Variants in PLPPR1 observed in about 807,000 individuals in gnomAD.
PLPPR1 encodes phospholipid phosphatase related 1.
PLPPR1 carries 10 observed loss-of-function variants against 33.1 expected under a neutral mutation model. The ratio of observed to expected loss-of-function variants is 0.30; its 90% CI spans 0.19 to 0.51. PLPPR1 has a LOEUF of 0.51. Among genes scored for constraint, PLPPR1 ranks in the 20% least tolerant of loss-of-function variants. The pLI is 0.97. For missense variants in PLPPR1, 304 were observed against 408.1 expected, an observed-to-expected ratio of 0.74 and a Z score of 2.20; for synonymous variants, 151 against 151.0, an observed-to-expected ratio of 1.00 and a Z score of 0.00.
chr9:101,133,073 TTAGA>T (rs1349231435), intron 1 of PLPPR1, among the ~76,000 whole-genome samples: 1 of 152,194 alleles, frequency 6.6e-6, no homozygotes, highest in Non-Finnish European at 1.5e-5. Context: ...ATTAGGAAAC[TTAGA>T]TAAGCTTGAG....
chr9:101,267,336 G>GAAAC (rs1487749843), intron 2 of PLPPR1, among the ~76,000 whole-genome samples: 1 of 152,176 alleles, frequency 6.6e-6, no homozygotes, highest in Admixed American at 6.5e-5. Flanking sequence ...AATCTTTCAG[G>GAAAC]AAACATATTT....
At chr9:101,114,765 G>C (rs1392219025) in intron 1 of PLPPR1, among the ~76,000 whole-genome samples, 1 of 152,194 alleles carries the variant, frequency 6.6e-6, no homozygotes, top group African/African-American at 2.4e-5. Flanking sequence ...AAAGTGCTTA[G>C]GTAGAGCTGG....
chr9:101,280,343 G>T (rs1439851231), intron 3 of PLPPR1, among the ~76,000 whole-genome samples: 1 of 152,056 alleles, frequency 6.6e-6, no homozygotes, highest in Non-Finnish European at 1.5e-5. Flanking sequence ...TTTCACTATT[G>T]AATTTTACCA....
At chr9:101,190,640 G>A (rs1826281799) in intron 2 of PLPPR1, among the ~76,000 whole-genome samples, 1 of 152,124 alleles carries the variant, frequency 6.6e-6, no homozygotes. Context: ...GATGACTGAG[G>A]AGCCTGCCTG....
chr9:101,219,358 C>G (rs144910479), intron 2 of PLPPR1, among the ~76,000 whole-genome samples: 18 of 152,292 alleles, frequency 1.2e-4, no homozygotes, highest in African/African-American at 4.3e-4. Context: ...ATGCTGAAAT[C>G]TGGAAGTATT....
At chr9:101,046,521 G>A (rs560812901) in intron 1 of PLPPR1, among the ~76,000 whole-genome samples, 1 of 143,792 alleles carries the variant, frequency 7.0e-6, no homozygotes, top group East Asian at 2.2e-4. Context: ...CTCACTGCAA[G>A]CTCTGCCTCC....
chr9:101,063,425 T>A (rs1454635221), intron 1 of PLPPR1, among the ~76,000 whole-genome samples: 2 of 152,048 alleles, frequency 1.3e-5, no homozygotes, highest in Non-Finnish European at 1.5e-5. Flanking sequence ...GTGGTGGCAC[T>A]TCCACCCACA....
intron 1 of PLPPR1, among the ~76,000 whole-genome samples, chr9:101,090,507 C>T (rs1830728196): frequency 6.6e-6 from 1 of 152,252 alleles, no homozygotes; most frequent in East Asian, 1.9e-4. Context: ...GATGATTATG[C>T]TTTCCCTCAA....
chr9:101,182,249 G>T (rs1397870868), intron 1 of PLPPR1, among the ~76,000 whole-genome samples: 1 of 151,530 alleles, frequency 6.6e-6, no homozygotes, highest in Non-Finnish European at 1.5e-5. Context: ...AGAGGGGGAT[G>T]GATGGAGAAA....
At position 101,102,148 on chromosome 9, in the gene PLPPR1, TTA is replaced by T. The variant is rs199999899; in HGVS notation, c.-46+73048_-46+73049del. ...TATTATAGCTTTATTCTTTTTTTTT[TTA>T]TTTTATTATTATACTTTAAGTTTTA... is the stretch of plus-strand genomic sequence containing the variant. On this transcript the variant is annotated intron_variant, in intron 1 of 7. Transcript: ENST00000374874. Among the ~76,000 whole-genome samples the T allele has an allele frequency of 9.2e-4, 71 of 76,950 alleles. 1 individual carries two copies. Among genetic ancestry groups the T allele is most frequent in the African/African-American group, 4.8e-3 (67 of 13,998 alleles). The allele number at this position is 76,950 out of a possible 152,430, so 50.5% of individuals were successfully genotyped here. A position where few individuals can be genotyped will look rare whatever the true frequency, so the allele number is the denominator to read the frequency against.
At chr9:101,309,077 G>T in intron 4 of PLPPR1, 134 bp from the exon 5 acceptor site, 1 of 866,986 alleles carries the variant, frequency 1.2e-6, no homozygotes, top group Non-Finnish European at 1.8e-6. Context: ...TACCACTCCT[G>T]GAAAGATACT....
chr9:101,270,370 T>C (rs1301646016), intron 3 of PLPPR1, among the ~76,000 whole-genome samples: 1 of 152,230 alleles, frequency 6.6e-6, no homozygotes, highest in Non-Finnish European at 1.5e-5. Context: ...GAACAGCTAT[T>C]GTCCTCTTGA....
chr9:101,248,463 G>C (rs548108123), intron 2 of PLPPR1, among the ~76,000 whole-genome samples: 8 of 152,158 alleles, frequency 5.3e-5, no homozygotes, highest in African/African-American at 1.9e-4. Flanking sequence ...AGTGCCAAAT[G>C]ATACAGATTA....
chr9:101,101,861 T>C (rs1830904990), intron 1 of PLPPR1, among the ~76,000 whole-genome samples: 1 of 152,158 alleles, frequency 6.6e-6, no homozygotes, highest in Admixed American at 6.5e-5. Flanking sequence ...ACAAAGCAGA[T>C]GAGCTCCTCT....
At chr9:101,050,192 A>G (rs1271367982) in intron 1 of PLPPR1, among the ~76,000 whole-genome samples, 1 of 151,776 alleles carries the variant, frequency 6.6e-6, no homozygotes, top group Admixed American at 6.6e-5. Context: ...AGACCGGACA[A>G]CTATAACAGG....
chr9:101,147,922 G>A (rs774206573), intron 1 of PLPPR1, among the ~76,000 whole-genome samples: 19 of 152,236 alleles, frequency 1.2e-4, no homozygotes, highest in Non-Finnish European at 1.9e-4. Context: ...AAGTCCAAGG[G>A]GCTTTCTTTT....
At chr9:101,081,766 G>A (rs920221065) in intron 1 of PLPPR1, among the ~76,000 whole-genome samples, 3 of 152,210 alleles carry the variant, frequency 2.0e-5, no homozygotes, top group Non-Finnish European at 4.4e-5. Flanking sequence ...ATGGAGATTA[G>A]GTAATAGCAG....
At chr9:101,097,639 A>C (rs1195510844) in intron 1 of PLPPR1, among the ~76,000 whole-genome samples, 1 of 152,202 alleles carries the variant, frequency 6.6e-6, no homozygotes, top group Non-Finnish European at 1.5e-5. Context: ...AGACAAACAT[A>C]CAAATAATTA....
At chr9:101,234,502 C>T (rs1319455600) in intron 2 of PLPPR1, among the ~76,000 whole-genome samples, 1 of 151,622 alleles carries the variant, frequency 6.6e-6, no homozygotes, top group African/African-American at 2.4e-5. Flanking sequence ...TGGTTCGTAT[C>T]ATGTCCTTAG....
Sources: gnomAD v4.1 joint callset for allele counts (sites outside exome capture counted in the v4.1 genomes callset) on GRCh38, gnomAD v4.1.1 for gene constraint, MANE v1.5 for transcripts, NCBI Gene and HGNC (gene_info 2026-07-23, HGNC 2026-07-21) for gene names.